Variants in PCDHGB1 observed in about 807,000 individuals in gnomAD.
PCDHGB1 encodes protocadherin gamma subfamily B, 1, also known as protocadherin gamma-B1.
PCDHGB1 carries 34 observed loss-of-function variants against 56.6 expected under a neutral mutation model. The ratio of observed to expected loss-of-function variants is 0.60; its 90% CI spans 0.46 to 0.80. The LOEUF (loss-of-function observed/expected upper bound fraction) is 0.80. Among genes scored for constraint, PCDHGB1 ranks in the 30% least tolerant of loss-of-function variants. The pLI is 0.00. For missense variants in PCDHGB1, 1,278 were observed against 1,204.6 expected (o/e 1.06, Z -0.90); for synonymous variants, 561 against 505.9 (o/e 1.11, Z -1.46).
chr5:141,359,076 G>T (rs1165492241), intron 1 of PCDHGB1, among the ~76,000 whole-genome samples: 2 of 152,194 alleles, frequency 1.3e-5, no homozygotes, highest in East Asian at 1.9e-4. Context: ...TTACAAAGGA[G>T]AGTTTTAGTT....
Position 141,431,003 on chromosome 5 carries a change from G to C in PCDHGB1, c.2410-63804G>C. The C allele has an allele frequency of 6.2e-7, 1 of 1,614,078 alleles. No individual in the cohort carries two copies. The highest frequency in any genetic ancestry group is 8.5e-7 in the Non-Finnish European group (1 of 1,179,974). On this transcript the variant is annotated intron_variant, in intron 1 of 3. Transcript: ENST00000523390. The surrounding 1 kb of genome is among the most constrained non-coding windows in gnomAD (Gnocchi z 4.8). ...GCTTTTCGCCCTGAATCCGCGCAGC[G>C]GCAGCTTGGTCACGGCGGGCAGGAT... is the stretch of plus-strand genomic sequence containing the variant.
At chr5:141,428,187 C>A in intron 1 of PCDHGB1, 1 of 1,439,502 alleles carries the variant, frequency 6.9e-7, no homozygotes, top group Non-Finnish European at 9.6e-7. Flanking sequence ...GGACAGCCGC[C>A]GCTCTCTGCG....
chr5:141,376,493 C>T (rs1772744309), intron 1 of PCDHGB1: 1 of 1,614,130 alleles, frequency 6.2e-7, no homozygotes, highest in Non-Finnish European at 8.5e-7. Flanking sequence ...GAAAGGAGAA[C>T]CCAGGCAACT....
In PCDHGB1 at chr5:141,381,826, CTTTTTT is replaced by C. The variant is rs770630741; in HGVS notation, c.2409+29174_2409+29179del. 6.8e-3 allele frequency among the ~76,000 whole-genome samples: 507 copies of C among 74,296 alleles called. 2 individuals are homozygous for C. Among genetic ancestry groups the C allele is most frequent in the Non-Finnish European group, 8.2e-3 (349 of 42,396 alleles). 48.7% of individuals were successfully genotyped at this position (74,296 alleles called of 152,430 possible). On this transcript the variant is annotated intron_variant, in intron 1 of 3. Transcript: ENST00000523390. ...TTTCTTTCTTTCTTTCTTTCTTCTT[CTTTTTT>C]TTTTTTTTTTTTTTTTGGCAGAGTT... is the stretch of plus-strand genomic sequence containing the variant.
intron 1 of PCDHGB1, chr5:141,423,979 G>A: frequency 9.0e-7 from 1 of 1,115,484 alleles, no homozygotes. Flanking sequence ...CAGTGTATGA[G>A]GCTCTCAATT....
chr5:141,389,118 C>A (rs2091610213), intron 1 of PCDHGB1: 1 of 1,613,888 alleles, frequency 6.2e-7, no homozygotes, highest in Admixed American at 1.7e-5. Context: ...AGACCGCGAG[C>A]AGAATCCAGA....
At position 141,432,580 on chromosome 5, in the gene PCDHGB1, T is replaced by C. The variant is rs773087131; in HGVS notation, c.2410-62227T>C. 20 of 1,613,202 alleles carry C rather than the reference T, an allele frequency of 1.2e-5. No individual in the cohort carries two copies. The highest frequency in any genetic ancestry group is 4.0e-5 in the African/African-American group (3 of 74,662). On this transcript the variant is annotated intron_variant, in intron 1 of 3. Transcript: ENST00000523390. The surrounding 1 kb of genome is among the most constrained non-coding windows in gnomAD (Gnocchi z 6.0). ...GCCAGAACGCCTGGCTGTCCTACCG[T>C]CTGCTCAAGGCCAGCGAGCCGGGAC... is the stretch of plus-strand genomic sequence containing the variant.
chr5:141,399,540 C>A (rs775910113), intron 1 of PCDHGB1: 2 of 1,613,934 alleles, frequency 1.2e-6, no homozygotes, highest in Non-Finnish European at 1.7e-6. Context: ...CGCAAGTCTG[C>A]GCCTCGGACC....
rs1312691474 is a variant in PCDHGB1, at chr5:141,362,295, G to C, written c.2409+9626G>C. The C allele has an allele frequency of 6.2e-6, 10 of 1,614,062 alleles. No homozygotes were observed. The East Asian group carries it at 2.2e-4, about 36-fold the overall frequency. On this transcript the variant is annotated intron_variant, in intron 1 of 3. Coordinates refer to ENST00000523390, the MANE Select transcript of PCDHGB1 (RefSeq NM_018922.3). ...CCCTGCGCCTGCGACTCTCTTCCAG[G>C]TCAGATGCTTGGGACTGTTTTCAGC...
rs1315225126 is a variant in PCDHGB1 at position 141,487,926 on chromosome 5, A to G, written c.2410-6881A>G. The G allele has an allele frequency of 2.2e-5, 14 of 626,676 alleles. No individual in the cohort carries two copies. Among genetic ancestry groups the G allele is most frequent in the Non-Finnish European group, 3.9e-5 (14 of 359,988 alleles). The allele number at this position is 626,676 out of a possible 1,614,324, so 38.8% of individuals were successfully genotyped here. ...GTGGGAGCACAGGAGGCTACAGTGC[A>G]CAGGGTACAGTGCACCAGGCAGTCA... On this transcript the variant is annotated intron_variant, in intron 1 of 3. Coordinates refer to ENST00000523390, the MANE Select transcript of PCDHGB1 (RefSeq NM_018922.3). The surrounding 1 kb of genome is among the most constrained non-coding windows in gnomAD (Gnocchi z 5.0).
chr5:141,443,457 G>C (rs977253701), intron 1 of PCDHGB1, among the ~76,000 whole-genome samples: 12 of 152,194 alleles, frequency 7.9e-5, no homozygotes, highest in Non-Finnish European at 1.3e-4. Flanking sequence ...CTGTACTCCA[G>C]TCTGGGTGAC....
chr5:141,409,725 G>A (rs1416188591), intron 1 of PCDHGB1: 1 of 1,613,172 alleles, frequency 6.2e-7, no homozygotes, highest in Non-Finnish European at 8.5e-7. Context: ...GTGTCAGTGA[G>A]CGCGCAGAGC....
intron 1 of PCDHGB1, among the ~76,000 whole-genome samples, chr5:141,482,053 C>G (rs2099551080): frequency 6.6e-6 from 1 of 150,558 alleles, no homozygotes; most frequent in Non-Finnish European, 1.5e-5. Flanking sequence ...CTGTTGCATT[C>G]CAGCCTGGGC....
chr5:141,488,690 G>A (rs1292736219), intron 1 of PCDHGB1, among the ~76,000 whole-genome samples: 1 of 152,186 alleles, frequency 6.6e-6, no homozygotes, highest in African/African-American at 2.4e-5. Flanking sequence ...TCTCCCAGAA[G>A]GACAAGATTT....
chr5:141,408,243 G>A lies in PCDHGB1; in HGVS notation c.2409+55574G>A, dbSNP rs372221747. ...GCGCAGAGGCGCCGGGCCGGCCCGC[G>A]GCAGGTGCTATTTCCTTTGCTGCTG... On this transcript the variant is annotated intron_variant, in intron 1 of 3. Transcript: ENST00000523390. 7 of 1,583,996 alleles carry A rather than the reference G, an allele frequency of 4.4e-6. 1 individual carries two copies. The highest frequency in any genetic ancestry group is 5.2e-6 in the Non-Finnish European group (6 of 1,164,814).
intron 1 of PCDHGB1, chr5:141,356,513 T>G: frequency 1.2e-6 from 2 of 1,614,030 alleles, no homozygotes; most frequent in South Asian, 2.2e-5. Flanking sequence ...GAAACTCATA[T>G]TTCACTGCAA....
intron 1 of PCDHGB1, chr5:141,399,951 C>A (rs749264259): frequency 6.2e-7 from 1 of 1,612,120 alleles, no homozygotes; most frequent in Non-Finnish European, 8.5e-7. Flanking sequence ...TGCAGGCTAG[C>A]GAGCCCGGGC....
intron 1 of PCDHGB1, among the ~76,000 whole-genome samples, chr5:141,373,691 T>G (rs1588722666): frequency 6.6e-6 from 1 of 152,234 alleles, no homozygotes; most frequent in Admixed American, 6.5e-5. Flanking sequence ...TCAGAGAACA[T>G]TTAAAATTAT....
chr5:141,499,689 C>CTTTTTTTT (rs545067566), intron 2 of PCDHGB1, among the ~76,000 whole-genome samples: 2 of 119,854 alleles, frequency 1.7e-5, no homozygotes, highest in Non-Finnish European at 1.7e-5. Context: ...TAACAGATGA[C>CTTTTTTTT]TTTTTTTTTT....
Sources: allele counts gnomAD v4.1 joint callset (sites outside exome capture counted in the v4.1 genomes callset), GRCh38; gene constraint gnomAD v4.1.1; non-coding constraint Gnocchi (gnomAD v3.1); transcripts MANE v1.5; gene names NCBI Gene and HGNC (gene_info 2026-07-23, HGNC 2026-07-21).